Variants in CA10 observed in about 807,000 individuals in gnomAD.
CA10 encodes carbonic anhydrase-related protein 10.
A neutral mutation model predicts 44.2 loss-of-function variants in CA10; 14 were observed. That is an observed-to-expected ratio of 0.32 (90% confidence interval 0.21 to 0.50). The LOEUF (loss-of-function observed/expected upper bound fraction) is 0.50. Ranked by LOEUF, CA10 falls within the 20% of genes least tolerant of loss-of-function variation. The pLI is 0.99. For missense variants in CA10, 350 were observed against 409.7 expected, an observed-to-expected ratio of 0.85 and a Z score of 1.26; for synonymous variants, 159 against 141.6, an observed-to-expected ratio of 1.12 and a Z score of -0.87.
At chr17:51,908,390 G>A (rs533077544) in intron 3 of CA10, among the ~76,000 whole-genome samples, 1 of 152,250 alleles carries the variant, frequency 6.6e-6, no homozygotes, top group Admixed American at 6.5e-5. Context: ...TCTCTCCCTT[G>A]AAGTCAAATG....
chr17:52,001,026 C>T (rs1985405503), intron 2 of CA10, among the ~76,000 whole-genome samples: 1 of 151,894 alleles, frequency 6.6e-6, no homozygotes, highest in Admixed American at 6.6e-5. Context: ...GCTGCTGATA[C>T]CATGCCTGAC....
intron 4 of CA10, among the ~76,000 whole-genome samples, chr17:51,729,269 C>T (rs141261760): frequency 8.5e-4 from 130 of 152,286 alleles, no homozygotes; most frequent in African/African-American, 2.9e-3. Flanking sequence ...CTCCTTTTTA[C>T]GCTCATGGTC....
intron 3 of CA10, among the ~76,000 whole-genome samples, chr17:51,804,823 G>A (rs187370293): frequency 6.6e-6 from 1 of 152,306 alleles, no homozygotes; most frequent in East Asian, 1.9e-4. Flanking sequence ...CTTAGAGAAT[G>A]CAAAATCAAC....
chr17:51,647,921 T>G lies in CA10; in HGVS notation c.634+1261A>C, dbSNP rs577364461. ...TTCTTCTGGGCAATGTCTCTCTAGG[T>G]GGAGCGGGATTCTCCAGGTTCATTC... On this transcript the variant is annotated intron_variant, in intron 6 of 8. Transcript: ENST00000451037. Among the ~76,000 whole-genome samples the G allele has an allele frequency of 4.9e-4, 75 of 152,222 alleles. 1 individual carries two copies. The highest frequency in any genetic ancestry group is 1.7e-3 in the African/African-American group (71 of 41,556).
At chr17:51,927,383 T>G (rs1275913381) in intron 3 of CA10, among the ~76,000 whole-genome samples, 2 of 152,150 alleles carry the variant, frequency 1.3e-5, no homozygotes, top group Non-Finnish European at 2.9e-5. Context: ...AGTCTCAGTT[T>G]TAATATGTTT....
chr17:51,727,501 T>C (rs1156906017), intron 4 of CA10, among the ~76,000 whole-genome samples: 1 of 152,048 alleles, frequency 6.6e-6, no homozygotes, highest in East Asian at 1.9e-4. Flanking sequence ...TGCCCAGAAA[T>C]GCCTTGATCA....
rs187614570 is a variant in CA10 at position 52,074,792 on chromosome 17, A to G, written c.62-2399T>C. Among the ~76,000 whole-genome samples, 4 of 152,278 alleles carry G rather than the reference A, an allele frequency of 2.6e-5. No homozygotes were observed. The East Asian group carries it at 7.7e-4, about 29-fold the overall frequency. On this transcript the variant is annotated intron_variant, in intron 1 of 8. Transcript: ENST00000451037. ...TGATACACTAGAACAGAGATTGGAA[A>G]ACTTGTGCCTGCTAGCCAAATATGG...
intron 4 of CA10, among the ~76,000 whole-genome samples, chr17:51,693,337 C>CT (rs752135180): frequency 1.7e-4 from 26 of 151,944 alleles, no homozygotes; most frequent in Non-Finnish European, 2.8e-4. Context: ...ATCTTTTTCT[C>CT]TTTAAAAAAA....
chr17:51,874,333 C>T (rs181029338), intron 3 of CA10, among the ~76,000 whole-genome samples: 131 of 148,828 alleles, frequency 8.8e-4, no homozygotes, highest in Non-Finnish European at 1.3e-4. Context: ...CTAATATCAT[C>T]TTATTAATTC....
At chr17:51,864,292 A>G (rs1187054585) in intron 3 of CA10, among the ~76,000 whole-genome samples, 1 of 152,208 alleles carries the variant, frequency 6.6e-6, no homozygotes, top group South Asian at 2.1e-4. Context: ...TATGCACCCT[A>G]AGTTGCTTAG....
At chr17:51,714,026 G>A (rs1357411107) in intron 4 of CA10, among the ~76,000 whole-genome samples, 1 of 152,120 alleles carries the variant, frequency 6.6e-6, no homozygotes, top group Non-Finnish European at 1.5e-5. Context: ...AAAGAACACT[G>A]AGTGCTCCCT....
In CA10 at chr17:51,968,552, AGGTAG is replaced by A. The variant is rs1984164469; in HGVS notation, c.137-37425_137-37421del. 4.6e-5 allele frequency among the ~76,000 whole-genome samples: 7 copies of A among 152,014 alleles called. No individual in the cohort carries two copies. The South Asian group carries it at 1.5e-3, about 32-fold the overall frequency. ...AGAAACAGACACTATAGAGACAGAC[AGGTAG>A]TGGCCAAAGGTTAGGAAATGGGGAT... On this transcript the variant is annotated intron_variant, in intron 2 of 8. Transcript: ENST00000451037.
intron 4 of CA10, among the ~76,000 whole-genome samples, chr17:51,680,809 G>T (rs1037155719): frequency 2.6e-5 from 4 of 152,084 alleles, no homozygotes; most frequent in Admixed American, 6.5e-5. Flanking sequence ...GAAATTAAAA[G>T]ACTTGGATGA....
intron 4 of CA10, among the ~76,000 whole-genome samples, chr17:51,714,515 C>G (rs79005691): frequency 6.6e-6 from 1 of 152,268 alleles, no homozygotes; most frequent in Non-Finnish European, 1.5e-5. Flanking sequence ...GGGTCCTCAT[C>G]ACTATGGTTA....
At position 52,021,603 on chromosome 17, in the gene CA10, A is replaced by G. The variant is rs991427218; in HGVS notation, c.136+50716T>C. ...AACTGAACAAAATAAAGATCTATAC[A>G]GGAAAACCAAAGTTTATTTTTTGTA... On this transcript the variant is annotated intron_variant, in intron 2 of 8. Coordinates refer to ENST00000451037, the MANE Select transcript of CA10 (RefSeq NM_020178.5). Among the ~76,000 whole-genome samples the G allele has an allele frequency of 6.6e-5, 10 of 152,220 alleles. 1 individual carries two copies. Among genetic ancestry groups the G allele is most frequent in the African/African-American group, 2.4e-4 (10 of 41,582 alleles).
chr17:51,974,128 G>A (rs1210948150), intron 2 of CA10, among the ~76,000 whole-genome samples: 1 of 152,166 alleles, frequency 6.6e-6, no homozygotes, highest in Non-Finnish European at 1.5e-5. Context: ...GCTCACGCCT[G>A]TAATCCCAGC....
chr17:51,760,530 A>G (rs1200058707), intron 3 of CA10, among the ~76,000 whole-genome samples: 1 of 152,216 alleles, frequency 6.6e-6, no homozygotes, highest in Non-Finnish European at 1.5e-5. Flanking sequence ...TATTCAGGAC[A>G]CTGGGAGATG....
chr17:52,067,303 C>T (rs933302331), intron 2 of CA10, among the ~76,000 whole-genome samples: 2 of 152,238 alleles, frequency 1.3e-5, no homozygotes, highest in Non-Finnish European at 2.9e-5. Flanking sequence ...GCTGTTGCTT[C>T]AAAGGGTGCA....
At chr17:51,642,164 G>C (rs1913117246) in intron 6 of CA10, among the ~76,000 whole-genome samples, 1 of 152,204 alleles carries the variant, frequency 6.6e-6, no homozygotes, top group South Asian at 2.1e-4. Context: ...CTCCTGTTCT[G>C]TTCCTTGCTG....
Sources: gnomAD v4.1 joint callset for allele counts (sites outside exome capture counted in the v4.1 genomes callset) on GRCh38, gnomAD v4.1.1 for gene constraint, MANE v1.5 for transcripts, NCBI Gene and HGNC (gene_info 2026-07-23, HGNC 2026-07-21) for gene names.